ARHGAP20: variants seen among roughly 807,000 people sequenced by gnomAD.
ARHGAP20 encodes the protein Rho GTPase activating protein 20.
In ARHGAP20, 34 loss-of-function variants were observed where a neutral mutation model predicts 73.7. The observed-to-expected ratio is 0.46, with a 90% CI of 0.35 to 0.61. ARHGAP20 has a LOEUF of 0.61. Ranked by LOEUF, ARHGAP20 falls within the 20% of genes least tolerant of loss-of-function variation. The pLI is 0.00. For missense variants in ARHGAP20, 1,314 were observed against 1,420.9 expected, an observed-to-expected ratio of 0.92 and a Z score of 1.21; for synonymous variants, 523 against 518.2, an observed-to-expected ratio of 1.01 and a Z score of -0.13.
At chr11:110,676,818 T>G (rs1380492647) in intron 2 of ARHGAP20, among the ~76,000 whole-genome samples, 2 of 117,256 alleles carry the variant, frequency 1.7e-5, no homozygotes, top group African/African-American at 8.9e-5. Flanking sequence ...CTCAAATAAG[T>G]TTTTTTTTTA....
At chr11:110,594,941 C>G (rs1202741264) in intron 9 of ARHGAP20, among the ~76,000 whole-genome samples, 2 of 151,598 alleles carry the variant, frequency 1.3e-5, no homozygotes, top group African/African-American at 4.9e-5. Context: ...AAAGCTTATC[C>G]ACCATGATCC....
chr11:110,628,797 G>C (rs1177149746), intron 3 of ARHGAP20, among the ~76,000 whole-genome samples: 4 of 152,028 alleles, frequency 2.6e-5, no homozygotes, highest in Non-Finnish European at 5.9e-5. Context: ...ATGTGAGAAA[G>C]GGACAATCAA....
chr11:110,663,795 C>A (rs10891159), intron 2 of ARHGAP20, among the ~76,000 whole-genome samples: 2,794 of 151,910 alleles, frequency 0.018, 48 homozygotes, highest in Middle Eastern at 0.037. Context: ...GACATTATAC[C>A]AAAAGAAAAG....
At chr11:110,606,825 T>C (rs1049295776) in intron 8 of ARHGAP20, 76 bp from the exon 9 acceptor site, 1 of 1,221,180 alleles carries the variant, frequency 8.2e-7, no homozygotes, top group Non-Finnish European at 1.1e-6. Flanking sequence ...AATAGGAATG[T>C]ACTGCAATTT....
Position 110,580,665 on chromosome 11 carries a change from A to T in ARHGAP20, c.2281T>A (p.Leu761Ile). The change falls in exon 15 of 15, where the codon TTA (leucine) becomes ATA (isoleucine). Residue 761 changes from leucine to isoleucine, a missense_variant. By Grantham distance (5) the Leu-to-Ile change is conservative. Transcript: ENST00000683387. ...TTGCTGACATCAGTGCCTGTGACTA[A>T]ACTCTGTTTAAAACATGTCTTTCCT... ...EEGKTCFKQS[L>I]VTGTDVSKKN... 1.2e-6 allele frequency: 2 copies of T among 1,614,130 alleles called. No homozygotes were observed. The highest frequency in any genetic ancestry group is 1.7e-6 in the Non-Finnish European group (2 of 1,179,998).
intron 2 of ARHGAP20, among the ~76,000 whole-genome samples, chr11:110,685,003 C>T (rs1950104523): frequency 6.6e-6 from 1 of 152,020 alleles, no homozygotes; most frequent in Non-Finnish European, 1.5e-5. Context: ...GAAGCTCAAA[C>T]CCTAGCACCA....
chr11:110,629,160 A>G (rs1565447529), intron 3 of ARHGAP20, among the ~76,000 whole-genome samples: 1 of 108,384 alleles, frequency 9.2e-6, no homozygotes, highest in Non-Finnish European at 2.2e-5. Flanking sequence ...TTTGTTGTCT[A>G]TTTATCTACC....
chr11:110,622,673 A>T (rs1309428615), intron 4 of ARHGAP20, among the ~76,000 whole-genome samples: 2 of 152,126 alleles, frequency 1.3e-5, no homozygotes, highest in Admixed American at 1.3e-4. Flanking sequence ...CTGACCTGGA[A>T]GATTTTAAGG....
At chr11:110,617,091 C>A (rs1312575882) in intron 4 of ARHGAP20, among the ~76,000 whole-genome samples, 1 of 152,138 alleles carries the variant, frequency 6.6e-6, no homozygotes, top group African/African-American at 2.4e-5. Context: ...TTTCCACTAT[C>A]CTGACTTCCA....
At chr11:110,593,181 TGAG>T (rs1323317339) in intron 9 of ARHGAP20, among the ~76,000 whole-genome samples, 1 of 151,904 alleles carries the variant, frequency 6.6e-6, no homozygotes, top group Non-Finnish European at 1.5e-5. Flanking sequence ...TAATTGAAAT[TGAG>T]GAGGGATTTA....
At chr11:110,582,841 G>A (rs1052840648) in intron 13 of ARHGAP20, among the ~76,000 whole-genome samples, 1 of 152,226 alleles carries the variant, frequency 6.6e-6, no homozygotes, top group African/African-American at 2.4e-5. Flanking sequence ...GAAGGAGAAA[G>A]ACAGCTAGAA....
At chr11:110,616,970 G>A (rs1037359883) in intron 4 of ARHGAP20, among the ~76,000 whole-genome samples, 1 of 151,962 alleles carries the variant, frequency 6.6e-6, no homozygotes, top group Non-Finnish European at 1.5e-5. Context: ...AAGCTTACAT[G>A]TACAGCTTGA....
At chr11:110,654,773 A>C (rs1422310471) in intron 2 of ARHGAP20, among the ~76,000 whole-genome samples, 1 of 152,158 alleles carries the variant, frequency 6.6e-6, no homozygotes, top group Non-Finnish European at 1.5e-5. Flanking sequence ...GCTAAAGCAA[A>C]ATTCTCCAGC....
At chr11:110,582,475 T>C (rs1245230975) in intron 13 of ARHGAP20, 40 bp from the exon 14 acceptor site, 2 of 1,283,514 alleles carry the variant, frequency 1.6e-6, no homozygotes, top group Non-Finnish European at 2.3e-6. Flanking sequence ...CTTTTCATAT[T>C]ACATGTTTAT....
intron 2 of ARHGAP20, among the ~76,000 whole-genome samples, chr11:110,678,636 AAAC>A (rs1949979630): frequency 6.6e-6 from 1 of 152,160 alleles, no homozygotes; most frequent in Admixed American, 6.6e-5. Context: ...TAGCATCTTA[AAAC>A]AACAAACATT....
At chr11:110,688,648 A>C (rs1388434974) in intron 2 of ARHGAP20, among the ~76,000 whole-genome samples, 3 of 152,228 alleles carry the variant, frequency 2.0e-5, no homozygotes, top group Non-Finnish European at 4.4e-5. Flanking sequence ...AACCAGTGTT[A>C]AACTGTGAAG....
rs142126672 is a variant in ARHGAP20, at chr11:110,625,378, G to A, written c.354-1067C>T. On this transcript the variant is annotated intron_variant, in intron 3 of 14. Transcript: ENST00000683387. ...TTTATAAAATTTTCATTTTAAGAGA[G>A]ATGCACTAAAAAAACCCTGTAGTTA... 5.3e-3 allele frequency among the ~76,000 whole-genome samples: 803 copies of A among 152,168 alleles called. 3 individuals carry two copies. The highest frequency in any genetic ancestry group is 0.022 in the South Asian group (106 of 4,822).
In ARHGAP20 at chr11:110,579,642, A is replaced by G. The variant is rs1277878874; in HGVS notation, c.3304T>C (p.Ser1102Pro). 1 of 1,614,174 alleles carries G rather than the reference A, an allele frequency of 6.2e-7. No individual in the cohort carries two copies. Among genetic ancestry groups the G allele is most frequent in the Non-Finnish European group, 8.5e-7 (1 of 1,180,030 alleles). The change falls in exon 15 of 15, where the codon TCC (serine) becomes CCC (proline). Residue 1102 changes from serine (S) to proline (P), a missense_variant. Ser to Pro is a moderately conservative substitution (Grantham distance 74). This residue lies in a region of ARHGAP20 where 641 missense variants were observed against 636.9 expected (regional missense o/e 1.01). Transcript: ENST00000683387. ...CACCTTTGGGCTGACTGCACAGGGG[A>G]CAGTCCTTCAGCTGCCCTTAAGGGC... is the stretch of plus-strand genomic sequence containing the variant. ...DLPLRAAEGL[S>P]PVQSAQRCSS...
At chr11:110,595,628 C>T (rs1298024721) in intron 9 of ARHGAP20, among the ~76,000 whole-genome samples, 4 of 151,990 alleles carry the variant, frequency 2.6e-5, no homozygotes, top group Admixed American at 6.6e-5. Flanking sequence ...AAACCACTGC[C>T]CAATGAAATA....
Sources: gnomAD v4.1 joint callset for allele counts (sites outside exome capture counted in the v4.1 genomes callset) on GRCh38, gnomAD v4.1.1 for gene constraint, gnomAD v4.1.1 regional missense constraint, MANE v1.5 for transcripts, NCBI Gene and HGNC (gene_info 2026-07-23, HGNC 2026-07-21) for gene names.